Variants in AHCTF1 observed in about 807,000 individuals in gnomAD.
AHCTF1 encodes AT-hook containing transcription factor 1.
In AHCTF1, 24 loss-of-function variants were observed where a neutral mutation model predicts 248.4. The observed-to-expected ratio is 0.10, with a 90% CI of 0.07 to 0.14. The LOEUF (loss-of-function observed/expected upper bound fraction) is 0.14. Ranked by LOEUF, AHCTF1 falls within the 10% of genes least tolerant of loss-of-function variation. The pLI is 1.00. For missense variants in AHCTF1, 2,206 were observed against 2,636.2 expected, an observed-to-expected ratio of 0.84 and a Z score of 3.57; for synonymous variants, 786 against 929.8, an observed-to-expected ratio of 0.85 and a Z score of 2.81.
chr1:246,862,488 A>G (rs983523614), intron 27 of AHCTF1, among the ~76,000 whole-genome samples: 4 of 152,152 alleles, frequency 2.6e-5, no homozygotes, highest in African/African-American at 9.7e-5. Flanking sequence ...TCAAAAAAAA[A>G]AAAAAGTGCT....
chr1:246,906,822 T>G (rs1205485621), intron 5 of AHCTF1, among the ~76,000 whole-genome samples: 1 of 152,226 alleles, frequency 6.6e-6, no homozygotes, highest in Non-Finnish European at 1.5e-5. Flanking sequence ...CAGAAAAAAT[T>G]TAAAACACAA....
At chr1:246,890,838 TAAG>T in intron 16 of AHCTF1, 115 bp downstream of exon 16, 1 of 587,822 alleles carries the variant, frequency 1.7e-6, no homozygotes, top group Non-Finnish European at 2.7e-6. Context: ...TAAATTAAAT[TAAG>T]GAGAAAAATA....
In AHCTF1 at chr1:246,867,173, G is replaced by A. The variant is rs1472276; in HGVS notation, c.3347+71C>T. The stretch of plus-strand genomic sequence containing the variant: ...ATTTAAAAGTCTATAAAATGTTAAA[G>A]ATAATTAAAAATTACAATTGTAACT... On this transcript the variant is annotated intron_variant, in intron 26 of 35. Transcript: ENST00000648844. 3.6e-5 allele frequency: 27 copies of A among 756,464 alleles called. No homozygotes were observed. In the South Asian group the frequency reaches 5.9e-4, roughly 16 times the overall value. The allele number at this position is 756,464 out of a possible 1,614,324, so 46.9% of individuals were successfully genotyped here.
chr1:246,924,341 T>C (rs1476229505), intron 1 of AHCTF1, among the ~76,000 whole-genome samples: 2 of 152,228 alleles, frequency 1.3e-5, no homozygotes, highest in Non-Finnish European at 2.9e-5. Context: ...TCCATCTGTT[T>C]ATCTTTAAAC....
chr1:246,862,208 C>CGGTG, intron 27 of AHCTF1, 55 bp from the exon 28 acceptor site: 1 of 1,392,880 alleles, frequency 7.2e-7, no homozygotes, highest in Non-Finnish European at 9.8e-7. Flanking sequence ...AGGCCGGGCG[C>CGGTG]GGTGGCTCAC....
intron 20 of AHCTF1, among the ~76,000 whole-genome samples, chr1:246,886,830 C>A (rs1663850019): frequency 6.6e-6 from 1 of 152,100 alleles, no homozygotes; most frequent in Admixed American, 6.5e-5. Context: ...TATAAAAAAC[C>A]TGATACCTCT....
At chr1:246,892,474 C>T (rs1664279782) in intron 14 of AHCTF1, among the ~76,000 whole-genome samples, 1 of 151,834 alleles carries the variant, frequency 6.6e-6, no homozygotes. Flanking sequence ...GCATGTGCCA[C>T]AACACCCAGC....
At position 246,900,392 on chromosome 1, in the gene AHCTF1, A is replaced by G; in HGVS notation, c.1195T>C (p.Leu399=). 1 of 1,599,640 alleles carries G rather than the reference A, an allele frequency of 6.3e-7. No homozygotes were observed. Among genetic ancestry groups the G allele is most frequent in the East Asian group, 2.2e-5 (1 of 44,798 alleles). ...CAACGATTTATATCAAAAAGCCCCA[A>G]ATATACAGAAGGCTTTCCCTGTCCA... The part of the protein sequence containing the change: ...IYGQGKPSVY[L]GLFDINRWYH... Residue 399 remains leucine, a synonymous_variant, in exon 9 of 36, where the codon TTG becomes CTG. Coordinates refer to ENST00000648844, the MANE Select transcript of AHCTF1 (RefSeq NM_001323342.2).
At position 246,850,717 on chromosome 1, in the gene AHCTF1, A is replaced by G; in HGVS notation, c.5289T>C (p.Ala1763=). 6.2e-7 allele frequency: 1 copy of G among 1,613,938 alleles called. No individual in the cohort carries two copies. The highest frequency in any genetic ancestry group is 8.5e-7 in the Non-Finnish European group (1 of 1,179,862). ...CTGACTGCCCTGGCATCTTAGGAGT[A>G]GCAACATCTGCTGATGCTTCCTGTT... ...SAQQEASADV[A]TPKMPGQSVR... is the part of the protein sequence containing the mutation. Residue 1763 remains alanine (A), a synonymous_variant, in exon 33 of 36, where the codon GCT becomes GCC. Coordinates refer to ENST00000648844, the MANE Select transcript of AHCTF1 (RefSeq NM_001323342.2).
Position 246,863,970 on chromosome 1 carries a change from G to A in AHCTF1, c.3494C>T (p.Ser1165Phe), listed in dbSNP as rs1180655963. 4 of 1,613,974 alleles carry A rather than the reference G, an allele frequency of 2.5e-6. No individual in the cohort carries two copies. The highest frequency in any genetic ancestry group is 1.7e-5 in the Admixed American group (1 of 60,000). The change falls in exon 27 of 36, where the codon TCC becomes TTC. Residue 1165 changes from serine (S) to phenylalanine (F), a missense_variant. Coordinates refer to ENST00000648844, the MANE Select transcript of AHCTF1 (RefSeq NM_001323342.2). ...SQLKGSPQAISRASELHLLET... is the reference protein window; with the variant it reads ...SQLKGSPQAIFRASELHLLET... ...AAGCAAATGTAATTCTGAAGCCCTG[G>A]AGATGGCCTGAGGCGATCCTTTTAA...
intron 1 of AHCTF1, among the ~76,000 whole-genome samples, chr1:246,923,368 T>C (rs1469957167): frequency 1.3e-5 from 2 of 152,018 alleles, no homozygotes; most frequent in African/African-American, 2.4e-5. Flanking sequence ...TGGGCCAAAA[T>C]TGTGCCACTG....
At chr1:246,914,853 T>C (rs550219454) in intron 3 of AHCTF1, among the ~76,000 whole-genome samples, 23 of 152,280 alleles carry the variant, frequency 1.5e-4, no homozygotes, top group African/African-American at 5.5e-4. Context: ...GATCAATGAG[T>C]GTCCATGTTT....
intron 6 of AHCTF1, among the ~76,000 whole-genome samples, chr1:246,904,790 T>A (rs1779967): frequency 0.32 from 48,646 of 152,080 alleles, 8,350 homozygotes; most frequent in African/African-American, 0.44. Flanking sequence ...CTTTTAATAA[T>A]TCCTATTACT....
chr1:246,907,485 A>G, intron 5 of AHCTF1, 66 bp downstream of exon 5: 7 of 1,368,568 alleles, frequency 5.1e-6, no homozygotes, highest in Non-Finnish European at 7.0e-6. Flanking sequence ...AAATATTAGT[A>G]AATGAGTACA....
chr1:246,855,628 A>G, intron 31 of AHCTF1, 102 bp downstream of exon 31: 1 of 911,012 alleles, frequency 1.1e-6, no homozygotes. Flanking sequence ...TGAGGAGGAA[A>G]AATCTGAATA....
rs1267766050 is a variant in AHCTF1 at position 246,840,281 on chromosome 1, A to T, written c.*525T>A. 6.5e-6 allele frequency: 1 copy of T among 152,676 alleles called. No individual in the cohort carries two copies. The highest frequency in any genetic ancestry group is 1.5e-5 in the Non-Finnish European group (1 of 68,050). The allele number at this position is 152,676 out of a possible 1,614,324, so 9.5% of individuals were successfully genotyped here. A position where few individuals can be genotyped will look rare whatever the true frequency, so the allele number is the denominator to read the frequency against. ...AAATTTGTGAAACTACAAAGATGGC[A>T]AAATGACATGCCCATAATTCAATTT... is the stretch of plus-strand genomic sequence containing the variant. On this transcript the variant is annotated 3_prime_UTR_variant, in exon 36 of 36. Transcript: ENST00000648844.
intron 33 of AHCTF1, among the ~76,000 whole-genome samples, chr1:246,846,721 AATATAT>A (rs1250509747): frequency 4.0e-5 from 6 of 151,742 alleles, no homozygotes; most frequent in Non-Finnish European, 7.4e-5. Flanking sequence ...AAGATTTTGA[AATATAT>A]ATACATATAC....
In AHCTF1 at chr1:246,849,599, A is replaced by C; in HGVS notation, c.6391+16T>G. Reference sequence around the variant, plus strand: ...TGACTGAGATGAAAAACTGTTTTGCAGAGAAAGAAAAGTACCTTTTGCTTT... The same window carrying C: ...TGACTGAGATGAAAAACTGTTTTGCCGAGAAAGAAAAGTACCTTTTGCTTT... On this transcript the variant is annotated intron_variant, in intron 33 of 35. Transcript: ENST00000648844. 1 of 1,582,430 alleles carries C rather than the reference A, an allele frequency of 6.3e-7. No individual in the cohort carries two copies.
intron 1 of AHCTF1, 39 bp downstream of exon 1, chr1:246,931,539 C>T (rs1667363090): frequency 3.5e-6 from 1 of 282,804 alleles, no homozygotes; most frequent in Admixed American, 6.6e-5. Context: ...ACCCGCCCTC[C>T]GCCGCGCGGG....
Sources: allele counts gnomAD v4.1 joint callset (sites outside exome capture counted in the v4.1 genomes callset), GRCh38; gene constraint gnomAD v4.1.1; transcripts MANE v1.5; gene names NCBI Gene and HGNC (gene_info 2026-07-23, HGNC 2026-07-21).